The following RAB3IP variants were observed in gnomAD, a reference collection of about 807,000 sequenced individuals.
The protein encoded by RAB3IP is rab-3A-interacting protein.
Under a neutral mutation model 59.1 loss-of-function variants are expected in RAB3IP, and 36 were observed. The observed-to-expected ratio is 0.61, with a 90% CI of 0.47 to 0.80. The LOEUF (loss-of-function observed/expected upper bound fraction) is 0.80. RAB3IP is among the 30% of genes least tolerant of loss of function. The pLI, the probability that RAB3IP is intolerant of heterozygous loss-of-function variation, is 0.00. For synonymous variants in RAB3IP, 207 were observed against 191.2 expected, an observed-to-expected ratio of 1.08 and a Z score of -0.68; for missense variants, 511 against 536.0, an observed-to-expected ratio of 0.95 and a Z score of 0.46.
At chr12:69,746,885 C>G (rs1040685654) in intron 1 of RAB3IP, among the ~76,000 whole-genome samples, 1 of 152,144 alleles carries the variant, frequency 6.6e-6, no homozygotes, top group Non-Finnish European at 1.5e-5. Context: ...CTCCCTGCCC[C>G]CCTTCCACAA....
At chr12:69,782,955 A>C (rs1273049229) in intron 3 of RAB3IP, among the ~76,000 whole-genome samples, 5 of 152,216 alleles carry the variant, frequency 3.3e-5, no homozygotes, top group African/African-American at 1.2e-4. Flanking sequence ...TAAAATACTC[A>C]GCTCACATTT....
At chr12:69,783,897 C>T (rs1040209738) in intron 3 of RAB3IP, among the ~76,000 whole-genome samples, 4 of 151,988 alleles carry the variant, frequency 2.6e-5, no homozygotes, top group African/African-American at 9.7e-5. Flanking sequence ...TTCTCATATC[C>T]CTGTTGGTAT....
At chr12:69,812,919 T>TA in intron 9 of RAB3IP, 42 bp downstream of exon 9, 2 of 1,605,246 alleles carry the variant, frequency 1.2e-6, no homozygotes, top group Non-Finnish European at 1.7e-6. Context: ...CTTGCTTTGA[T>TA]ATGGGACATT....
intron 1 of RAB3IP, among the ~76,000 whole-genome samples, chr12:69,749,794 C>T (rs1037241169): frequency 6.6e-6 from 1 of 152,142 alleles, no homozygotes; most frequent in Non-Finnish European, 1.5e-5. Flanking sequence ...TTATTTGCAT[C>T]TTCTGTGGCA....
At chr12:69,808,132 C>G (rs1879778472) in intron 8 of RAB3IP, among the ~76,000 whole-genome samples, 1 of 152,160 alleles carries the variant, frequency 6.6e-6, no homozygotes, top group African/African-American at 2.4e-5. Context: ...TTATTTCTGC[C>G]TTCATTTTGT....
chr12:69,810,004 C>G (rs1880156391), intron 8 of RAB3IP, among the ~76,000 whole-genome samples: 1 of 152,166 alleles, frequency 6.6e-6, no homozygotes, highest in Non-Finnish European at 1.5e-5. Context: ...TTTTTCTGCT[C>G]TGTTTTTTCC....
At chr12:69,788,926 A>G (rs1172054879) in intron 4 of RAB3IP, among the ~76,000 whole-genome samples, 2 of 152,114 alleles carry the variant, frequency 1.3e-5, no homozygotes, top group Non-Finnish European at 2.9e-5. Flanking sequence ...TGGAAACTAA[A>G]CAATGATATC....
intron 3 of RAB3IP, among the ~76,000 whole-genome samples, chr12:69,766,428 T>C (rs1051244261): frequency 1.5e-4 from 23 of 152,148 alleles, no homozygotes; most frequent in African/African-American, 5.6e-4. Context: ...TTCTTTTTTC[T>C]GTTCGGTCCC....
intron 1 of RAB3IP, among the ~76,000 whole-genome samples, chr12:69,742,286 CA>C (rs547739710): frequency 2.5e-4 from 38 of 152,282 alleles, no homozygotes; most frequent in African/African-American, 8.7e-4. Flanking sequence ...TGCAGTTCAT[CA>C]AAGGATAGTA....
chr12:69,758,524 T>G (rs779417289), intron 3 of RAB3IP, among the ~76,000 whole-genome samples: 1 of 152,190 alleles, frequency 6.6e-6, no homozygotes, highest in Admixed American at 6.5e-5. Context: ...GGTGATATAT[T>G]ACTTTACATC....
intron 7 of RAB3IP, among the ~76,000 whole-genome samples, chr12:69,800,998 CT>C (rs1188401906): frequency 3.9e-5 from 6 of 152,130 alleles, no homozygotes; most frequent in African/African-American, 1.4e-4. Context: ...ATTTTTCACA[CT>C]TTTGGTATGA....
At chr12:69,815,291 T>A in intron 10 of RAB3IP, 73 bp from the exon 11 acceptor site, 1 of 1,094,998 alleles carries the variant, frequency 9.1e-7, no homozygotes, top group Non-Finnish European at 1.4e-6. Context: ...TCAGCTAAGG[T>A]TTTCAGCGAA....
intron 4 of RAB3IP, among the ~76,000 whole-genome samples, chr12:69,787,320 C>T (rs1481443746): frequency 6.6e-6 from 1 of 152,006 alleles, no homozygotes; most frequent in Non-Finnish European, 1.5e-5. Flanking sequence ...TGAAAGAATA[C>T]AAAGCAGTCT....
In RAB3IP at chr12:69,812,960, C is replaced by T. The variant is rs751555436; in HGVS notation, c.1231-4C>T. The T allele has an allele frequency of 2.4e-5, 38 of 1,612,960 alleles. No homozygotes were observed. The East Asian group carries it at 6.9e-4, about 29-fold the overall frequency. ...ATTCATGACATTTTCTCCATTTGGC[C>T]TAGATCACTTCTGTATGTAACTTTT... On this transcript the variant is annotated splice_polypyrimidine_tract_variant and splice_region_variant and intron_variant, in intron 9 of 10. Transcript: ENST00000247833.
chr12:69,756,421 C>G lies in RAB3IP; in HGVS notation c.268C>G (p.Pro90Ala), dbSNP rs774309089. 6.2e-6 allele frequency: 10 copies of G among 1,613,874 alleles called. No individual in the cohort carries two copies. Among genetic ancestry groups the G allele is most frequent in the Admixed American group, 1.7e-5 (1 of 60,006 alleles). The part of the protein sequence containing the change: ...ISSISFHVTD[P>A]APCSTSGVTA... Reference sequence around the variant, plus strand: ...CCTTTACAGCTTTCATGTTACAGACCCAGCCCCTTGCTCTACCTCTGGAGT... The same window carrying G: ...CCTTTACAGCTTTCATGTTACAGACGCAGCCCCTTGCTCTACCTCTGGAGT... Residue 90 changes from proline (P) to alanine (A), a missense_variant, in exon 3 of 11, where the codon CCA becomes GCA. Transcript: ENST00000247833.
chr12:69,803,566 A>T (rs1878733321), intron 8 of RAB3IP, among the ~76,000 whole-genome samples: 1 of 152,006 alleles, frequency 6.6e-6, no homozygotes, highest in Non-Finnish European at 1.5e-5. Context: ...TTACATATGT[A>T]TACATGGGCC....
chr12:69,772,173 GT>G (rs1367439350), intron 3 of RAB3IP, among the ~76,000 whole-genome samples: 1 of 151,822 alleles, frequency 6.6e-6, no homozygotes, highest in Non-Finnish European at 1.5e-5. Context: ...TAATACTCTT[GT>G]TTCTTCTTAC....
intron 4 of RAB3IP, among the ~76,000 whole-genome samples, chr12:69,785,492 CTG>C (rs1875495889): frequency 6.6e-6 from 1 of 152,168 alleles, no homozygotes; most frequent in African/African-American, 2.4e-5. Flanking sequence ...AGTCAGCAAA[CTG>C]GAGGCCCAGG....
rs778278475 is a variant in RAB3IP, at chr12:69,755,642, G to A, written c.234G>A (p.Ala78=). 3.2e-5 allele frequency: 51 copies of A among 1,610,498 alleles called. 1 individual carries two copies. The highest frequency in any genetic ancestry group is 3.1e-4 in the East Asian group (14 of 44,758). ...CATCCCCCAGACGTTTAAATTGTGCGGAAATATCTAGTATCAGGTAGGAAA... is the reference window on the plus strand; with the variant it reads ...CATCCCCCAGACGTTTAAATTGTGCAGAAATATCTAGTATCAGGTAGGAAA... ...VYSSPRRLNC[A]EISSISFHVT... is the part of the protein sequence containing the mutation. The change falls in exon 2 of 11, where the codon GCG becomes GCA. Residue 78 remains alanine, a synonymous_variant. Transcript: ENST00000247833.
Sources: gnomAD v4.1 joint callset for allele counts (sites outside exome capture counted in the v4.1 genomes callset) on GRCh38, gnomAD v4.1.1 for gene constraint, MANE v1.5 for transcripts, NCBI Gene and HGNC (gene_info 2026-07-23, HGNC 2026-07-21) for gene names.